The following SLC25A42 variants were observed in gnomAD, a reference collection of about 807,000 sequenced individuals.
The protein encoded by SLC25A42 is solute carrier family 25 member 42.
SLC25A42 carries 19 observed loss-of-function variants against 34.7 expected under a neutral mutation model. The observed-to-expected ratio is 0.55, with a 90% CI of 0.38 to 0.80. SLC25A42 has a LOEUF of 0.80. SLC25A42 is among the 30% of genes least tolerant of loss of function. The probability of loss-of-function intolerance (pLI) is 0.00; values close to 1 mark genes in which losing one functional copy is unlikely to be tolerated. For synonymous variants in SLC25A42, 205 were observed against 191.2 expected (o/e 1.07, Z -0.59); for missense variants, 364 against 441.3 (o/e 0.82, Z 1.57).
At chr19:19,084,292 G>A (rs2059695939) in intron 1 of SLC25A42, among the ~76,000 whole-genome samples, 1 of 152,208 alleles carries the variant, frequency 6.6e-6, no homozygotes, top group Admixed American at 6.5e-5. Flanking sequence ...GCCCACAGAT[G>A]CTCTGACATA....
chr19:19,072,385 TTTTG>T (rs1440636584), intron 1 of SLC25A42, among the ~76,000 whole-genome samples: 1 of 152,142 alleles, frequency 6.6e-6, no homozygotes, highest in East Asian at 1.9e-4. Flanking sequence ...ACTTTAAATT[TTTTG>T]TTTGTTTTTT....
chr19:19,096,254 T>TGGGGGCCCC, intron 2 of SLC25A42, 49 bp downstream of exon 2: 2 of 1,456,716 alleles, frequency 1.4e-6, no homozygotes, highest in African/African-American at 1.5e-5. Flanking sequence ...GGCCCCAGCC[T>TGGGGGCCCC]CCCCACCCCC....
intron 1 of SLC25A42, among the ~76,000 whole-genome samples, chr19:19,077,429 T>C: frequency 6.6e-6 from 1 of 152,224 alleles, no homozygotes; most frequent in East Asian, 1.9e-4. Context: ...GTGATGACTC[T>C]AGGGACCTCA....
chr19:19,066,389 G>T (rs1251536499), intron 1 of SLC25A42, among the ~76,000 whole-genome samples: 1 of 151,832 alleles, frequency 6.6e-6, no homozygotes, highest in Non-Finnish European at 1.5e-5. Flanking sequence ...GCAGACATAT[G>T]CATTCTAAGG....
intron 4 of SLC25A42, chr19:19,105,230 C>G (rs1462684302): frequency 3.5e-6 from 2 of 573,498 alleles, no homozygotes; most frequent in East Asian, 5.6e-5. Context: ...AAAAGATAAA[C>G]TGTAAAAGCT....
intron 3 of SLC25A42, among the ~76,000 whole-genome samples, chr19:19,103,350 C>T (rs1460414100): frequency 2.0e-5 from 3 of 152,210 alleles, no homozygotes; most frequent in Non-Finnish European, 4.4e-5. Flanking sequence ...CCGCCTTGGC[C>T]TCCCAAAGTG....
At chr19:19,107,268 G>A (rs1334491238) in intron 6 of SLC25A42, among the ~76,000 whole-genome samples, 1 of 146,020 alleles carries the variant, frequency 6.8e-6, no homozygotes, top group Non-Finnish European at 1.5e-5. Flanking sequence ...AGTGAGCCAT[G>A]ATCACGTCAC....
chr19:19,105,317 C>T (rs2059820079), intron 4 of SLC25A42: 3 of 590,790 alleles, frequency 5.1e-6, no homozygotes, highest in East Asian at 5.7e-5. Context: ...TTTGCAGTCC[C>T]CAAGAGAACT....
At chr19:19,102,743 AAAATAAAT>A (rs140086036) in intron 3 of SLC25A42, among the ~76,000 whole-genome samples, 59,811 of 148,456 alleles carry the variant, frequency 0.4, 12,306 homozygotes, top group East Asian at 0.6. Flanking sequence ...CTCTGTCTCA[AAAATAAAT>A]AAATAAATAA....
At chr19:19,086,312 T>C (rs959399862) in intron 1 of SLC25A42, among the ~76,000 whole-genome samples, 1 of 152,052 alleles carries the variant, frequency 6.6e-6, no homozygotes, top group African/African-American at 2.4e-5. Context: ...TTTTGTATTT[T>C]TAGTAGAGAC....
At chr19:19,064,344 C>T (rs2059589933) in intron 1 of SLC25A42, among the ~76,000 whole-genome samples, 1 of 151,736 alleles carries the variant, frequency 6.6e-6, no homozygotes, top group Non-Finnish European at 1.5e-5. Context: ...TTTAGACTGT[C>T]CTTGCTGACA....
At chr19:19,084,395 C>T (rs960597573) in intron 1 of SLC25A42, among the ~76,000 whole-genome samples, 34 of 152,204 alleles carry the variant, frequency 2.2e-4, no homozygotes, top group Admixed American at 8.5e-4. Context: ...TCCCCAAACC[C>T]GCTTCTTTGT....
At position 19,109,357 on chromosome 19, in the gene SLC25A42, C is replaced by G. The variant is rs904004447; in HGVS notation, c.650-1212C>G. Among the ~76,000 whole-genome samples, 1 of 152,170 alleles carries G rather than the reference C, an allele frequency of 6.6e-6. No homozygotes were observed. Among genetic ancestry groups the G allele is most frequent in the Admixed American group, 6.5e-5 (1 of 15,282 alleles). ...CTGGAGTGCTTTCCAGCCCCTTGAC[C>G]CCACGTTCTCACCCCACGTGATGCC... On this transcript the variant is annotated intron_variant, in intron 7 of 7. Coordinates refer to ENST00000318596, the MANE Select transcript of SLC25A42 (RefSeq NM_178526.5). This position sits in a 1 kb window ranked among gnomAD's most constrained non-coding sequence, Gnocchi z 4.1.
At chr19:19,090,454 C>A (rs1184430115) in intron 1 of SLC25A42, among the ~76,000 whole-genome samples, 1 of 152,144 alleles carries the variant, frequency 6.6e-6, no homozygotes, top group Admixed American at 6.6e-5. Context: ...AGACCTCCCC[C>A]CAAAACAGGT....
intron 6 of SLC25A42, 87 bp from the exon 7 acceptor site, chr19:19,107,807 G>A (rs1381689430): frequency 3.4e-6 from 5 of 1,452,468 alleles, no homozygotes; most frequent in Non-Finnish European, 4.8e-6. Flanking sequence ...GGCCCAGCCG[G>A]CTTCGGGAGG....
At chr19:19,108,184 T>G in intron 7 of SLC25A42, 139 bp downstream of exon 7, 1 of 917,248 alleles carries the variant, frequency 1.1e-6, no homozygotes, top group Non-Finnish European at 1.6e-6. Flanking sequence ...TAGACCCACA[T>G]CCAAATCGGG....
chr19:19,068,666 T>A (rs894297108), intron 1 of SLC25A42, among the ~76,000 whole-genome samples: 2 of 151,302 alleles, frequency 1.3e-5, no homozygotes, highest in Non-Finnish European at 2.9e-5. Context: ...AGACTCTGTC[T>A]CAAGAAAAAA....
chr19:19,077,731 C>CA, intron 1 of SLC25A42, among the ~76,000 whole-genome samples: 1 of 152,110 alleles, frequency 6.6e-6, no homozygotes, highest in Middle Eastern at 3.4e-3. Flanking sequence ...TTCCTAAATA[C>CA]AAAAAATTAG....
At chr19:19,074,725 G>A (rs1176683153) in intron 1 of SLC25A42, among the ~76,000 whole-genome samples, 3 of 145,884 alleles carry the variant, frequency 2.1e-5, no homozygotes, top group Non-Finnish European at 3.1e-5. Flanking sequence ...GTGCGTGTAT[G>A]TGTGTGTGTG....
Sources: gnomAD v4.1 joint callset for allele counts (sites outside exome capture counted in the v4.1 genomes callset) on GRCh38, gnomAD v4.1.1 for gene constraint, Gnocchi (gnomAD v3.1) non-coding constraint, MANE v1.5 for transcripts, NCBI Gene and HGNC (gene_info 2026-07-23, HGNC 2026-07-21) for gene names.